The following CYTIP variants were observed in gnomAD, a reference collection of about 807,000 sequenced individuals.
CYTIP encodes the protein cytohesin-interacting protein.
In CYTIP, 26 loss-of-function variants were observed where a neutral mutation model predicts 43.8. The observed-to-expected ratio is 0.59, with a 90% CI of 0.44 to 0.82. CYTIP has a LOEUF of 0.82. CYTIP is among the 40% of genes least tolerant of loss of function. CYTIP has a pLI of 0.00. For synonymous variants in CYTIP, 162 were observed against 162.9 expected, an observed-to-expected ratio of 0.99 and a Z score of 0.04; for missense variants, 426 against 443.1, an observed-to-expected ratio of 0.96 and a Z score of 0.35.
chr2:157,415,828 C>A lies in CYTIP; in HGVS notation c.929G>T (p.Ser310Ile). Residue 310 changes from serine (S) to isoleucine (I), a missense_variant, in exon 8 of 8, where the codon AGC becomes ATC. Transcript: ENST00000264192. Reference sequence around the variant, plus strand: ...CTCCCACAAGGGAGACATGGATCCGCTGCTGGTGTTACTGATGCTCCGGTT... The same window carrying A: ...CTCCCACAAGGGAGACATGGATCCGATGCTGGTGTTACTGATGCTCCGGTT... ...RRNRSISNTS[S>I]GSMSPLWEGN... 1 of 1,614,234 alleles carries A rather than the reference C, an allele frequency of 6.2e-7. No homozygotes were observed. The highest frequency in any genetic ancestry group is 8.5e-7 in the Non-Finnish European group (1 of 1,180,044).
At chr2:157,426,034 T>A (rs1300462275) in intron 6 of CYTIP, among the ~76,000 whole-genome samples, 1 of 151,928 alleles carries the variant, frequency 6.6e-6, no homozygotes, top group Non-Finnish European at 1.5e-5. Context: ...AGGAAATCTA[T>A]AAAAATTATT....
chr2:157,431,054 T>C, intron 3 of CYTIP, 92 bp from the exon 4 acceptor site: 1 of 998,110 alleles, frequency 1.0e-6, no homozygotes, highest in Non-Finnish European at 1.5e-6. Flanking sequence ...CATTAAGCAG[T>C]ATAATAGGTA....
chr2:157,431,386 G>T (rs1242648474), intron 3 of CYTIP, among the ~76,000 whole-genome samples: 6 of 152,204 alleles, frequency 3.9e-5, no homozygotes, highest in Admixed American at 6.5e-5. Flanking sequence ...GCAGCAAGGA[G>T]ACATGCCAAC....
At chr2:157,420,884 A>G (rs1558937345) in intron 6 of CYTIP, among the ~76,000 whole-genome samples, 1 of 152,188 alleles carries the variant, frequency 6.6e-6, no homozygotes, top group Non-Finnish European at 1.5e-5. Context: ...TAAAAACTAG[A>G]GACAGAAAGA....
At chr2:157,430,424 AC>A (rs145695913) in intron 5 of CYTIP, 134 bp downstream of exon 5, 33,574 of 692,952 alleles carry the variant, frequency 0.048, 1,243 homozygotes, top group Admixed American at 0.13. Context: ...TAATGTTTGT[AC>A]CCCACTCTAA....
intron 5 of CYTIP, among the ~76,000 whole-genome samples, chr2:157,427,644 G>A (rs1012852690): frequency 5.3e-5 from 8 of 152,214 alleles, no homozygotes; most frequent in South Asian, 2.1e-4. Flanking sequence ...TGAGAAGGTG[G>A]CTAAAAGAAA....
chr2:157,418,681 T>A (rs1482525599), intron 6 of CYTIP, 92 bp from the exon 7 acceptor site: 1 of 1,220,624 alleles, frequency 8.2e-7, no homozygotes, highest in Non-Finnish European at 1.1e-6. Flanking sequence ...GATTTGTCAT[T>A]AAATTTTTTA....
chr2:157,433,021 G>A (rs867170438), intron 3 of CYTIP, among the ~76,000 whole-genome samples: 2 of 152,124 alleles, frequency 1.3e-5, no homozygotes, highest in African/African-American at 4.8e-5. Flanking sequence ...CTTGCTCCAC[G>A]GAGAATAAGT....
rs1685628336 is a variant in CYTIP, at chr2:157,427,357, A to G, written c.540T>C (p.Val180=). Reference sequence around the variant, plus strand: ...CTGCATTAAATTAAATTACCTTTAAAACCTGCAGCTTTGCTTCAAGCTCCG... The same window carrying G: ...CTGCATTAAATTAAATTACCTTTAAGACCTGCAGCTTTGCTTCAAGCTCCG... The part of the protein sequence containing the change: ...KRTELEAKLQ[V]LKQTLKQKWV... The change falls in exon 6 of 8, where the codon GTT becomes GTC. Residue 180 remains valine, a synonymous_variant. Transcript: ENST00000264192. 1 of 1,609,594 alleles carries G rather than the reference A, an allele frequency of 6.2e-7. No individual in the cohort carries two copies. The highest frequency in any genetic ancestry group is 1.3e-5 in the African/African-American group (1 of 74,782).
At chr2:157,426,146 TGAG>T (rs1685603747) in intron 6 of CYTIP, among the ~76,000 whole-genome samples, 1 of 151,712 alleles carries the variant, frequency 6.6e-6, no homozygotes, top group South Asian at 2.1e-4. Context: ...GCAAGAACAA[TGAG>T]GAAGTAAACA....
chr2:157,420,834 G>C (rs1685511166), intron 6 of CYTIP, among the ~76,000 whole-genome samples: 1 of 152,120 alleles, frequency 6.6e-6, no homozygotes, highest in East Asian at 1.9e-4. Flanking sequence ...TCCTACAAGA[G>C]ACTAGCGTCC....
At position 157,415,973 on chromosome 2, in the gene CYTIP, G is replaced by C; in HGVS notation, c.784C>G (p.Gln262Glu). ...SMTMDSEDGY[Q>E]TCVSEDSSRG... ...CTGGAGTCCTCAGACACACACGTCT[G>C]GTAGCCATCTTCACTGTCCATCGTC... Residue 262 changes from glutamine to glutamate, a missense_variant, in exon 8 of 8, where the codon CAG (glutamine) becomes GAG (glutamate). Gln to Glu is a conservative substitution (Grantham distance 29). Transcript: ENST00000264192. 6.2e-7 allele frequency: 1 copy of C among 1,614,216 alleles called. No individual in the cohort carries two copies. Among genetic ancestry groups the C allele is most frequent in the Non-Finnish European group, 8.5e-7 (1 of 1,180,038 alleles).
Position 157,443,027 on chromosome 2 carries a change from C to T in CYTIP, c.174+820G>A, listed in dbSNP as rs16841799. 2.2e-4 allele frequency among the ~76,000 whole-genome samples: 33 copies of T among 151,988 alleles called. No individual in the cohort carries two copies. The East Asian group carries it at 4.8e-3, about 22-fold the overall frequency. On this transcript the variant is annotated intron_variant, in intron 1 of 7. Transcript: ENST00000264192. The stretch of plus-strand genomic sequence containing the variant: ...TTTTTACATGTTAGAAATTGAAGAA[C>T]GAAAAAATCAAAATAAATTCAGTTA...
intron 3 of CYTIP, among the ~76,000 whole-genome samples, chr2:157,432,724 A>G (rs1387171526): frequency 2.0e-5 from 3 of 152,102 alleles, no homozygotes; most frequent in Non-Finnish European, 2.9e-5. Flanking sequence ...CATCCCAAAC[A>G]TGTACTCACA....
chr2:157,418,624 T>G, intron 6 of CYTIP, 35 bp from the exon 7 acceptor site: 1 of 1,476,734 alleles, frequency 6.8e-7, no homozygotes, highest in South Asian at 1.3e-5. Context: ...AAAGTTTTTA[T>G]TATTAGGAAA....
In CYTIP at chr2:157,441,938, C is replaced by T. The variant is rs571748993; in HGVS notation, c.174+1909G>A. 7.9e-5 allele frequency among the ~76,000 whole-genome samples: 12 copies of T among 152,320 alleles called. No homozygotes were observed. The South Asian group carries it at 8.3e-4, about 11-fold the overall frequency. On this transcript the variant is annotated intron_variant, in intron 1 of 7. Coordinates refer to ENST00000264192, the MANE Select transcript of CYTIP (RefSeq NM_004288.5). Reference sequence around the variant, plus strand: ...CTTCTCAAACACGTTCAGTGGCCCTCGTGCCGGCTTTTTCAGGGGAAGTTG... The same window carrying T: ...CTTCTCAAACACGTTCAGTGGCCCTTGTGCCGGCTTTTTCAGGGGAAGTTG...
At chr2:157,420,184 TC>T (rs1414613921) in intron 6 of CYTIP, among the ~76,000 whole-genome samples, 1 of 152,118 alleles carries the variant, frequency 6.6e-6, no homozygotes, top group Non-Finnish European at 1.5e-5. Context: ...AATTTTTTTT[TC>T]TAATTAGCTG....
At chr2:157,427,582 C>T (rs1685633910) in intron 5 of CYTIP, among the ~76,000 whole-genome samples, 162 bp from the exon 6 acceptor site, 1 of 152,118 alleles carries the variant, frequency 6.6e-6, no homozygotes, top group African/African-American at 2.4e-5. Context: ...AGTAGCTGGA[C>T]CAAAGCCAAA....
At chr2:157,437,448 C>A (rs2105145440) in intron 1 of CYTIP, among the ~76,000 whole-genome samples, 1 of 152,132 alleles carries the variant, frequency 6.6e-6, no homozygotes, top group East Asian at 1.9e-4. Flanking sequence ...CACCTGTAAT[C>A]CCAGCACTTT....
Sources: allele counts gnomAD v4.1 joint callset (sites outside exome capture counted in the v4.1 genomes callset), GRCh38; gene constraint gnomAD v4.1.1; transcripts MANE v1.5; gene names NCBI Gene and HGNC (gene_info 2026-07-23, HGNC 2026-07-21).